The following EEF2K variants were observed in gnomAD, a reference collection of about 807,000 sequenced individuals.
EEF2K encodes alternative protein EEF2K.
In EEF2K, 70 loss-of-function variants were observed where a neutral mutation model predicts 93.8. The ratio of observed to expected loss-of-function variants is 0.75; its 90% confidence interval spans 0.62 to 0.91. EEF2K has a LOEUF of 0.91. Ranked by LOEUF, EEF2K falls within the 40% of genes least tolerant of loss-of-function variation. The pLI is 0.00. For synonymous variants in EEF2K, 376 were observed against 380.8 expected, an observed-to-expected ratio of 0.99 and a Z score of 0.15; for missense variants, 935 against 972.9, an observed-to-expected ratio of 0.96 and a Z score of 0.52.
chr16:22,256,390 GC>G (rs1201393951), intron 6 of EEF2K, among the ~76,000 whole-genome samples: 7 of 151,990 alleles, frequency 4.6e-5, no homozygotes, highest in Non-Finnish European at 8.8e-5. Flanking sequence ...GAGCCACCAT[GC>G]CCAGCCTTAA....
chr16:22,223,932 C>T (rs1486377377), intron 1 of EEF2K, among the ~76,000 whole-genome samples: 2 of 152,100 alleles, frequency 1.3e-5, no homozygotes, highest in Non-Finnish European at 2.9e-5. Context: ...TTAGGCCAGG[C>T]GTGGTGGCTC....
intron 17 of EEF2K, among the ~76,000 whole-genome samples, chr16:22,282,207 C>CA (rs1292078273): frequency 3.9e-5 from 6 of 151,986 alleles, no homozygotes; most frequent in African/African-American, 9.7e-5. Flanking sequence ...CAAAAAACAA[C>CA]AAAAAAAATT....
chr16:22,235,728 C>T (rs112723432), intron 2 of EEF2K, among the ~76,000 whole-genome samples: 2 of 152,098 alleles, frequency 1.3e-5, no homozygotes, highest in Admixed American at 6.6e-5. Context: ...GAACTCCTGA[C>T]GTCAGGTGAT....
intron 1 of EEF2K, among the ~76,000 whole-genome samples, chr16:22,215,553 G>C (rs1052728442): frequency 3.3e-5 from 5 of 152,142 alleles, no homozygotes; most frequent in African/African-American, 9.7e-5. Context: ...TATGCTAGGG[G>C]TGCAGACATT....
chr16:22,243,158 G>A (rs1041991016), intron 2 of EEF2K, among the ~76,000 whole-genome samples: 11 of 151,982 alleles, frequency 7.2e-5, no homozygotes, highest in African/African-American at 2.7e-4. Context: ...TTCACATAGG[G>A]CAGTAAAATG....
At chr16:22,231,762 C>T (rs2047117477) in intron 2 of EEF2K, among the ~76,000 whole-genome samples, 1 of 151,746 alleles carries the variant, frequency 6.6e-6, no homozygotes. Flanking sequence ...GAGGCTGGGG[C>T]AGGTGGATCA....
At position 22,258,634 on chromosome 16, in the gene EEF2K, C is replaced by A; in HGVS notation, c.1170C>A (p.Phe390Leu). The A allele has an allele frequency of 6.2e-7, 1 of 1,614,166 alleles. No individual in the cohort carries two copies. Among genetic ancestry groups the A allele is most frequent in the Non-Finnish European group, 8.5e-7 (1 of 1,180,030 alleles). The change falls in exon 10 of 18, where the codon TTC (phenylalanine) becomes TTA (leucine). Residue 390 changes from phenylalanine to leucine, a missense_variant. By Grantham distance (22) the Phe-to-Leu change is conservative. Coordinates refer to ENST00000263026, the MANE Select transcript of EEF2K (RefSeq NM_013302.5). ...ACGAGAACATGAGCGACGTGACCTT[C>A]GACTCTCTCCCTTCTTCCCCATCTT... ...SGDENMSDVT[F>L]DSLPSSPSSA...
At chr16:22,240,245 ATCAAG>A (rs2047208822) in intron 2 of EEF2K, among the ~76,000 whole-genome samples, 1 of 152,220 alleles carries the variant, frequency 6.6e-6, no homozygotes, top group African/African-American at 2.4e-5. Context: ...CAGGTGAATA[ATCAAG>A]TCAATAACAA....
At chr16:22,210,249 T>C (rs764022479) in intron 1 of EEF2K, among the ~76,000 whole-genome samples, 1 of 152,112 alleles carries the variant, frequency 6.6e-6, no homozygotes, top group African/African-American at 2.4e-5. Flanking sequence ...TGGATGGCGT[T>C]CTGTTCTCCA....
intron 2 of EEF2K, among the ~76,000 whole-genome samples, chr16:22,227,405 A>G (rs528291793): frequency 6.6e-6 from 1 of 151,954 alleles, no homozygotes; most frequent in Non-Finnish European, 1.5e-5. Context: ...TTGTATTTTC[A>G]GTAGAAACAG....
intron 1 of EEF2K, among the ~76,000 whole-genome samples, chr16:22,218,765 A>G (rs1221105998): frequency 6.6e-6 from 1 of 152,040 alleles, no homozygotes; most frequent in East Asian, 1.9e-4. Flanking sequence ...TCACATAGCC[A>G]GTTAGTGGTA....
chr16:22,267,040 C>T (rs919935143), intron 15 of EEF2K, among the ~76,000 whole-genome samples, 164 bp downstream of exon 15: 8 of 152,318 alleles, frequency 5.3e-5, no homozygotes, highest in African/African-American at 1.9e-4. Flanking sequence ...CAGGCCCCTC[C>T]AAGTTAGTTG....
chr16:22,243,316 A>G (rs1318676657), intron 2 of EEF2K, among the ~76,000 whole-genome samples: 1 of 148,868 alleles, frequency 6.7e-6, no homozygotes, highest in Non-Finnish European at 1.5e-5. Context: ...CAATGGCACA[A>G]TCTCGGCTCA....
At chr16:22,224,871 T>C (rs2047047884) in intron 1 of EEF2K, among the ~76,000 whole-genome samples, 1 of 151,848 alleles carries the variant, frequency 6.6e-6, no homozygotes, top group African/African-American at 2.4e-5. Context: ...CAGAATCGCT[T>C]GAACCTGGGA....
At chr16:22,251,398 G>T in intron 6 of EEF2K, 76 bp downstream of exon 6, 1 of 1,466,714 alleles carries the variant, frequency 6.8e-7, no homozygotes, top group Non-Finnish European at 9.2e-7. Flanking sequence ...GGGCCATGGT[G>T]AATCCCTATT....
At chr16:22,255,997 T>C (rs979492781) in intron 6 of EEF2K, among the ~76,000 whole-genome samples, 1 of 152,004 alleles carries the variant, frequency 6.6e-6, no homozygotes, top group Non-Finnish European at 1.5e-5. Flanking sequence ...CACTGCAACC[T>C]CTGCCTCCTG....
chr16:22,254,522 A>C (rs540998569), intron 6 of EEF2K, among the ~76,000 whole-genome samples: 415 of 152,290 alleles, frequency 2.7e-3, no homozygotes, highest in Non-Finnish European at 4.9e-3. Flanking sequence ...TGAGGAGGAC[A>C]TGGGAACCAA....
At chr16:22,238,540 G>A (rs2047190735) in intron 2 of EEF2K, among the ~76,000 whole-genome samples, 1 of 151,790 alleles carries the variant, frequency 6.6e-6, no homozygotes, top group Admixed American at 6.6e-5. Context: ...CAGCTACCTG[G>A]GAGGCTGAGT....
intron 1 of EEF2K, among the ~76,000 whole-genome samples, chr16:22,214,286 G>T (rs771892697): frequency 7.9e-5 from 12 of 151,920 alleles, no homozygotes; most frequent in Non-Finnish European, 1.5e-4. Flanking sequence ...AGTAGCTCAT[G>T]CATGTAATCA....
Sources: gnomAD v4.1 joint callset for allele counts (sites outside exome capture counted in the v4.1 genomes callset) on GRCh38, gnomAD v4.1.1 for gene constraint, MANE v1.5 for transcripts, NCBI Gene and HGNC (gene_info 2026-07-23, HGNC 2026-07-21) for gene names.